CDH4: variants seen among roughly 807,000 people sequenced by gnomAD.
The protein encoded by CDH4 is cadherin-4.
CDH4 carries 33 observed loss-of-function variants against 86.0 expected under a neutral mutation model. The observed-to-expected ratio is 0.38, with a 90% CI of 0.29 to 0.51. The LOEUF is 0.51. Ranked by LOEUF, CDH4 falls within the 20% of genes least tolerant of loss-of-function variation. The probability of loss-of-function intolerance (pLI) is 0.86; values close to 1 mark genes in which losing one functional copy is unlikely to be tolerated. For missense variants in CDH4, 1,114 were observed against 1,307.4 expected, an observed-to-expected ratio of 0.85 and a Z score of 2.28; for synonymous variants, 555 against 549.4, an observed-to-expected ratio of 1.01 and a Z score of -0.14.
chr20:61,701,298 A>G (rs1208665666), intron 2 of CDH4, among the ~76,000 whole-genome samples: 5 of 152,240 alleles, frequency 3.3e-5, no homozygotes, highest in Non-Finnish European at 7.3e-5. Context: ...ACAAAGTCAC[A>G]TTATGAGATG....
rs1206160511 is a variant in CDH4 at position 61,517,774 on chromosome 20, T to C, written c.170-225789T>C. ...TTCTTGTCAGCTATTATATGTCTGA[T>C]TTTATGGTTTTCATCCTGAAATACG... On this transcript the variant is annotated intron_variant, in intron 2 of 15. Transcript: ENST00000614565. The surrounding 1 kb of genome is among the most constrained non-coding windows in gnomAD (Gnocchi z 6.6). Among the ~76,000 whole-genome samples the C allele has an allele frequency of 6.6e-6, 1 of 152,224 alleles. No individual in the cohort carries two copies. Among genetic ancestry groups the C allele is most frequent in the Non-Finnish European group, 1.5e-5 (1 of 68,032 alleles).
intron 2 of CDH4, among the ~76,000 whole-genome samples, chr20:61,731,244 C>A (rs897319827): frequency 6.6e-6 from 1 of 152,110 alleles, no homozygotes; most frequent in Non-Finnish European, 1.5e-5. Context: ...TGAGGGTCTC[C>A]TGAGGGATTT....
At chr20:61,511,227 ATG>A (rs1266267828) in intron 2 of CDH4, among the ~76,000 whole-genome samples, 1 of 152,218 alleles carries the variant, frequency 6.6e-6, no homozygotes, top group African/African-American at 2.4e-5. Flanking sequence ...GCCTTTTGGA[ATG>A]TGTGCGCGTT....
At chr20:61,364,381 G>A (rs2084799969) in intron 2 of CDH4, among the ~76,000 whole-genome samples, 3 of 152,188 alleles carry the variant, frequency 2.0e-5, no homozygotes, top group South Asian at 4.1e-4. Flanking sequence ...CTCACACCCC[G>A]AGATCAGGCC....
chr20:61,447,002 C>T (rs898911739), intron 2 of CDH4, among the ~76,000 whole-genome samples: 1 of 152,072 alleles, frequency 6.6e-6, no homozygotes, highest in Non-Finnish European at 1.5e-5. Context: ...TTTATTTTAA[C>T]TTACGTTTTT....
chr20:61,894,841 G>T, intron 7 of CDH4, 69 bp from the exon 8 acceptor site: 2 of 1,514,980 alleles, frequency 1.3e-6, no homozygotes, highest in South Asian at 1.3e-5. Flanking sequence ...GATTTCTTTT[G>T]ATAAGTGCCC....
chr20:61,828,092 C>A (rs1483101806), intron 4 of CDH4, among the ~76,000 whole-genome samples: 1 of 152,084 alleles, frequency 6.6e-6, no homozygotes, highest in Non-Finnish European at 1.5e-5. Flanking sequence ...AAGTTTTCCA[C>A]CTGATAAATG....
In CDH4 at chr20:61,718,326, G is replaced by A. The variant is rs77215706; in HGVS notation, c.170-25237G>A. 136 of 165,752 alleles carry A rather than the reference G, an allele frequency of 8.2e-4. No homozygotes were observed. In the East Asian group the frequency reaches 0.016, roughly 19 times the overall value. The allele number at this position is 165,752 out of a possible 1,614,324, so 10.3% of individuals were successfully genotyped here. ...TGTAAGGCGCTGCCAAGCCACACTC[G>A]AGTCACTGTTCTTCCTGGATCATGC... On this transcript the variant is annotated intron_variant, in intron 2 of 15. Coordinates refer to ENST00000614565, the MANE Select transcript of CDH4 (RefSeq NM_001794.5).
chr20:61,466,942 C>T (rs1036250083), intron 2 of CDH4, among the ~76,000 whole-genome samples: 3 of 152,182 alleles, frequency 2.0e-5, no homozygotes, highest in Non-Finnish European at 4.4e-5. Flanking sequence ...TTAATAGTTG[C>T]TAAAAGCATT....
intron 2 of CDH4, among the ~76,000 whole-genome samples, chr20:61,351,305 G>T (rs2084710979): frequency 6.6e-6 from 1 of 152,146 alleles, no homozygotes; most frequent in Non-Finnish European, 1.5e-5. Flanking sequence ...CATTTACATT[G>T]TATTCCATAA....
intron 4 of CDH4, among the ~76,000 whole-genome samples, chr20:61,778,018 C>T (rs1978345087): frequency 6.6e-6 from 1 of 152,258 alleles, no homozygotes; most frequent in South Asian, 2.1e-4. Context: ...CACATGCACA[C>T]ATGTGCACAT....
At chr20:61,556,565 G>A (rs914816746) in intron 2 of CDH4, among the ~76,000 whole-genome samples, 9 of 152,130 alleles carry the variant, frequency 5.9e-5, no homozygotes, top group African/African-American at 1.9e-4. Flanking sequence ...ATGGAACAAG[G>A]GGGCCTCTTG....
At chr20:61,554,987 T>A (rs1053178474) in intron 2 of CDH4, among the ~76,000 whole-genome samples, 1 of 152,232 alleles carries the variant, frequency 6.6e-6, no homozygotes, top group African/African-American at 2.4e-5. Flanking sequence ...GGCAAATATA[T>A]GTGAAGGTGC....
At chr20:61,522,764 T>C (rs2085880512) in intron 2 of CDH4, among the ~76,000 whole-genome samples, 1 of 152,238 alleles carries the variant, frequency 6.6e-6, no homozygotes, top group Admixed American at 6.5e-5. Context: ...GAAAGTTTAA[T>C]TGACGGCCCG....
At chr20:61,390,514 T>A (rs13038930) in intron 2 of CDH4, among the ~76,000 whole-genome samples, 10 of 137,962 alleles carry the variant, frequency 7.2e-5, no homozygotes, top group South Asian at 2.4e-4. Flanking sequence ...GAAACCCCAA[T>A]TGAGATCGTA....
chr20:61,326,296 T>C (rs1176458341), intron 2 of CDH4, among the ~76,000 whole-genome samples: 2 of 152,238 alleles, frequency 1.3e-5, no homozygotes, highest in African/African-American at 4.8e-5. Flanking sequence ...TTGAGTGACC[T>C]GTTTGAAACC....
Position 61,910,552 on chromosome 20 carries a change from A to C in CDH4, c.1319A>C (p.His440Pro), listed in dbSNP as rs771682454. 2 of 1,613,936 alleles carry C rather than the reference A, an allele frequency of 1.2e-6. No individual in the cohort carries two copies. Among genetic ancestry groups the C allele is most frequent in the Non-Finnish European group, 1.7e-6 (2 of 1,180,020 alleles). The change falls in exon 9 of 16, where the codon CAC becomes CCC. Residue 440 changes from histidine to proline, a missense_variant. This residue lies in a region of CDH4 where 705 missense variants were observed against 914.1 expected (regional missense o/e 0.77). Transcript: ENST00000614565. ...YRIISGDPSG[H>P]FSVRTDPVTN... Reference sequence around the variant, plus strand: ...ATCATCAGTGGGGATCCATCCGGGCACTTCAGCGTCCGCACAGACCCCGTA... The same window carrying C: ...ATCATCAGTGGGGATCCATCCGGGCCCTTCAGCGTCCGCACAGACCCCGTA...
At chr20:61,637,474 T>C (rs1284733625) in intron 2 of CDH4, among the ~76,000 whole-genome samples, 1 of 152,230 alleles carries the variant, frequency 6.6e-6, no homozygotes, top group Non-Finnish European at 1.5e-5. Context: ...TGCTTTTACC[T>C]GAAGCTGCAG....
chr20:61,500,775 C>T (rs1307067915), intron 2 of CDH4, among the ~76,000 whole-genome samples: 1 of 152,214 alleles, frequency 6.6e-6, no homozygotes, highest in Non-Finnish European at 1.5e-5. Context: ...TCCTTCATAT[C>T]GTTGGCGTGT....
Sources: allele counts gnomAD v4.1 joint callset (sites outside exome capture counted in the v4.1 genomes callset), GRCh38; gene constraint gnomAD v4.1.1; regional missense constraint gnomAD v4.1.1; non-coding constraint Gnocchi (gnomAD v3.1); transcripts MANE v1.5; gene names NCBI Gene and HGNC (gene_info 2026-07-23, HGNC 2026-07-21).